Variants in ABL1 observed in about 807,000 individuals in gnomAD.
ABL1 encodes ABL proto-oncogene 1, non-receptor tyrosine kinase, also known as tyrosine-protein kinase ABL1.
A neutral mutation model predicts 94.7 loss-of-function variants in ABL1; 11 were observed. That is an observed-to-expected ratio of 0.12 (90% CI 0.07 to 0.19). ABL1 has a LOEUF of 0.19. ABL1 is among the 10% of genes least tolerant of loss of function. The pLI is 1.00. For missense variants in ABL1, 1,082 were observed against 1,489.4 expected (o/e 0.73, Z 4.50); for synonymous variants, 656 against 622.4 (o/e 1.05, Z -0.80).
intron 1 of ABL1, among the ~76,000 whole-genome samples, chr9:130,848,173 C>T (rs1830802038): frequency 6.6e-6 from 1 of 151,986 alleles, no homozygotes; most frequent in South Asian, 2.1e-4. Flanking sequence ...AAGCCTCCCT[C>T]CCCAGCATGC....
chr9:130,843,608 C>T (rs925694164), intron 1 of ABL1, among the ~76,000 whole-genome samples: 2 of 151,806 alleles, frequency 1.3e-5, no homozygotes, highest in African/African-American at 2.4e-5. Context: ...GAGACAGACA[C>T]CAGGTACCCA....
intron 1 of ABL1, among the ~76,000 whole-genome samples, chr9:130,715,695 CAG>C (rs1202153514): frequency 1.3e-5 from 2 of 152,140 alleles, no homozygotes; most frequent in Non-Finnish European, 2.9e-5. Context: ...AAAATTGGAA[CAG>C]ACTTTTTGGA....
At chr9:130,747,223 T>C (rs1014407137) in intron 1 of ABL1, among the ~76,000 whole-genome samples, 14 of 152,062 alleles carry the variant, frequency 9.2e-5, no homozygotes, top group Admixed American at 3.3e-4. Flanking sequence ...AAAAATATTT[T>C]TAAAATTAGT....
intron 10 of ABL1, 51 bp from the exon 11 acceptor site, chr9:130,883,917 TG>T: frequency 6.5e-7 from 1 of 1,547,188 alleles, no homozygotes; most frequent in South Asian, 1.3e-5. Context: ...GATTCTCCTC[TG>T]TCAGCCTCTA....
At chr9:130,826,394 T>C (rs1051082823) in intron 1 of ABL1, among the ~76,000 whole-genome samples, 1 of 152,066 alleles carries the variant, frequency 6.6e-6, no homozygotes, top group African/African-American at 2.4e-5. Flanking sequence ...GTGCTGGGAT[T>C]ACAGGCATGA....
chr9:130,819,532 CTTTTTTTTTTTT>C (rs34341889), intron 1 of ABL1, among the ~76,000 whole-genome samples: 83 of 96,286 alleles, frequency 8.6e-4, no homozygotes, highest in African/African-American at 3.6e-3. Context: ...AGAAAAATAC[CTTTTTTTTTTTT>C]TTTTTTTTTT....
chr9:130,866,595 A>G (rs944210231), intron 4 of ABL1, among the ~76,000 whole-genome samples: 1 of 152,136 alleles, frequency 6.6e-6, no homozygotes. Context: ...CCGCAACTCC[A>G]TAGTGAACAA....
rs188145285 is a variant in ABL1 at position 130,877,522 on chromosome 9, A to G, written c.1271-893A>G. Among the ~76,000 whole-genome samples, 124 of 147,754 alleles carry G rather than the reference A, an allele frequency of 8.4e-4. 4 individuals are homozygous for G. The East Asian group carries it at 0.018, about 21-fold the overall frequency. On this transcript the variant is annotated intron_variant, in intron 7 of 10. Transcript: ENST00000318560. ...CGGCGCCAGGTTCCTTCTACCACAT[A>G]TCCCAGCAAGATGGTCACATTACCT...
chr9:130,792,310 G>A lies in ABL1; in HGVS notation c.137-61754G>A, dbSNP rs375831897. Among the ~76,000 whole-genome samples, 9 of 152,252 alleles carry A rather than the reference G, an allele frequency of 5.9e-5. No individual in the cohort carries two copies. In the East Asian group the frequency reaches 1.5e-3, roughly 26 times the overall value. ...CCACTGAGTTGTTTGCTCAACTAGA[G>A]GATTTTACTTTCTGCCCTTCAAGTT... On this transcript the variant is annotated intron_variant, in intron 1 of 10. Coordinates refer to the ABL1 transcript ENST00000372348.
chr9:130,885,715 G>A lies in ABL1; in HGVS notation c.*32G>A, dbSNP rs1197420660. The A allele has an allele frequency of 3.0e-5, 47 of 1,584,686 alleles. No homozygotes were observed. The highest frequency in any genetic ancestry group is 3.4e-4 in the Middle Eastern group (2 of 5,908). ...TCAGGGGTCAGGTGTCAGGCCCGTCGGAGCTGCCTGCAGCACATGCGGGCT... is the reference window on the plus strand; with the variant it reads ...TCAGGGGTCAGGTGTCAGGCCCGTCAGAGCTGCCTGCAGCACATGCGGGCT... On this transcript the variant is annotated 3_prime_UTR_variant, in exon 11 of 11. Transcript: ENST00000318560.
intron 1 of ABL1, among the ~76,000 whole-genome samples, chr9:130,752,973 A>G (rs917116740): frequency 9.7e-5 from 13 of 133,388 alleles, no homozygotes; most frequent in African/African-American, 8.5e-5. Context: ...AAAAAAAAAA[A>G]GGGCTGGGCG....
At chr9:130,852,267 G>A (rs1830879575) in intron 1 of ABL1, among the ~76,000 whole-genome samples, 1 of 151,992 alleles carries the variant, frequency 6.6e-6, no homozygotes, top group Non-Finnish European at 1.5e-5. Flanking sequence ...TCAGCTCACT[G>A]CAACCTCCGC....
In ABL1 at chr9:130,880,167, C is replaced by T; in HGVS notation, c.1513+10C>T. On this transcript the variant is annotated intron_variant, in intron 9 of 10. Coordinates refer to ENST00000318560, the MANE Select transcript of ABL1 (RefSeq NM_005157.6). The surrounding 1 kb of genome is among the most constrained non-coding windows in gnomAD (Gnocchi z 4.4). ...TCCAGTATCTCAGACGGTAAAGTAC[C>T]CATCCCGGGGTACCTGCAGTGGGGT... is the stretch of plus-strand genomic sequence containing the variant. The T allele has an allele frequency of 1.2e-6, 2 of 1,613,416 alleles. No homozygotes were observed. The highest frequency in any genetic ancestry group is 1.1e-5 in the South Asian group (1 of 91,074).
chr9:130,759,787 A>G (rs1832087004), intron 1 of ABL1, among the ~76,000 whole-genome samples: 1 of 151,758 alleles, frequency 6.6e-6, no homozygotes, highest in African/African-American at 2.4e-5. Context: ...GTCATTGTTT[A>G]GGTTTCTTGT....
In ABL1 at chr9:130,853,362, G is replaced by C. The variant is rs577652580; in HGVS notation, c.80-702G>C. Among the ~76,000 whole-genome samples, 4 of 149,866 alleles carry C rather than the reference G, an allele frequency of 2.7e-5. No homozygotes were observed. The South Asian group carries it at 8.5e-4, about 32-fold the overall frequency. ...GGCTGATTTTTGTATTTGTAGTAAAGACAGGATTTCACTGTGTTGGTCAGG... is the reference window on the plus strand; with the variant it reads ...GGCTGATTTTTGTATTTGTAGTAAACACAGGATTTCACTGTGTTGGTCAGG... On this transcript the variant is annotated intron_variant, in intron 1 of 10. Coordinates refer to ENST00000318560, the MANE Select transcript of ABL1 (RefSeq NM_005157.6).
At chr9:130,780,936 C>T (rs1829747166) in intron 1 of ABL1, among the ~76,000 whole-genome samples, 3 of 152,210 alleles carry the variant, frequency 2.0e-5, no homozygotes, top group African/African-American at 7.2e-5. Context: ...GTGTTCCCAT[C>T]TCCTGCCTGG....
chr9:130,767,893 T>G (rs988581083), intron 1 of ABL1, among the ~76,000 whole-genome samples: 5 of 152,338 alleles, frequency 3.3e-5, no homozygotes, highest in African/African-American at 1.2e-4. Flanking sequence ...TCATCAAGAT[T>G]TAGACTGGTG....
In ABL1 at chr9:130,835,386, G is replaced by A. The variant is rs1204154856; in HGVS notation, c.-61G>A. ...GGCGCGCGGGCCGAGCCGGGCCTGAGCCGGGCCCGCGGACCGAGCTGGGAG... is the reference window on the plus strand; with the variant it reads ...GGCGCGCGGGCCGAGCCGGGCCTGAACCGGGCCCGCGGACCGAGCTGGGAG... On this transcript the variant is annotated 5_prime_UTR_variant, in exon 1 of 11. Coordinates refer to ENST00000318560, the MANE Select transcript of ABL1 (RefSeq NM_005157.6). The surrounding 1 kb of genome is among the most constrained non-coding windows in gnomAD (Gnocchi z 4.6). The A allele has an allele frequency of 7.8e-7, 1 of 1,282,042 alleles. No homozygotes were observed. Among genetic ancestry groups the A allele is most frequent in the Non-Finnish European group, 1.0e-6 (1 of 955,670 alleles). The allele number at this position is 1,282,042 out of a possible 1,614,324, so 79.4% of individuals were successfully genotyped here. A position where few individuals can be genotyped will look rare whatever the true frequency, so the allele number is the denominator to read the frequency against.
chr9:130,791,410 A>G (rs1829907310), intron 1 of ABL1, among the ~76,000 whole-genome samples: 1 of 152,208 alleles, frequency 6.6e-6, no homozygotes, highest in African/African-American at 2.4e-5. Context: ...TTAGGTGTCA[A>G]CTTGATTGGG....
Sources: gnomAD v4.1 joint callset for allele counts (sites outside exome capture counted in the v4.1 genomes callset) on GRCh38, gnomAD v4.1.1 for gene constraint, Gnocchi (gnomAD v3.1) non-coding constraint, MANE v1.5 for transcripts, NCBI Gene and HGNC (gene_info 2026-07-23, HGNC 2026-07-21) for gene names.